FOXN3: variants seen among roughly 807,000 people sequenced by gnomAD.
FOXN3 encodes the protein forkhead box N3, also known as forkhead box protein N3.
In FOXN3, 7 loss-of-function variants were observed where a neutral mutation model predicts 38.4. That is an observed-to-expected ratio of 0.18 (90% CI 0.10 to 0.34). The LOEUF (loss-of-function observed/expected upper bound fraction) is 0.34. Among genes scored for constraint, FOXN3 ranks in the 10% least tolerant of loss-of-function variants. FOXN3 has a pLI of 1.00. For synonymous variants in FOXN3, 230 were observed against 242.2 expected, an observed-to-expected ratio of 0.95 and a Z score of 0.47; for missense variants, 456 against 613.4, an observed-to-expected ratio of 0.74 and a Z score of 2.71.
chr14:89,424,381 A>G (rs1421341949), intron 1 of FOXN3, among the ~76,000 whole-genome samples: 2 of 152,246 alleles, frequency 1.3e-5, no homozygotes, highest in Admixed American at 1.3e-4. Flanking sequence ...CAGGAGGGAC[A>G]AAACGATCCC....
intron 3 of FOXN3, among the ~76,000 whole-genome samples, chr14:89,325,268 TCACCAACACCAACACCAACAC>T (rs1256226397): frequency 1.7e-4 from 10 of 59,570 alleles, no homozygotes; most frequent in African/African-American, 3.7e-4. Context: ...ACCACCACCA[TCACCAACACCAACACCAACAC>T]CACCAACACC....
intron 1 of FOXN3, among the ~76,000 whole-genome samples, chr14:89,555,172 A>G (rs1201890314): frequency 1.3e-5 from 2 of 151,736 alleles, no homozygotes; most frequent in Non-Finnish European, 2.9e-5. Context: ...TTCACTTAAC[A>G]TACCTCAGAG....
At chr14:89,397,327 T>C (rs913883322) in intron 2 of FOXN3, among the ~76,000 whole-genome samples, 1 of 151,690 alleles carries the variant, frequency 6.6e-6, no homozygotes, top group African/African-American at 2.4e-5. Context: ...GAAAAAACTA[T>C]TGGTTACTAG....
intron 2 of FOXN3, among the ~76,000 whole-genome samples, chr14:89,410,932 TA>T (rs1415012256): frequency 6.6e-6 from 1 of 151,894 alleles, no homozygotes; most frequent in Non-Finnish European, 1.5e-5. Context: ...AGCAAATTAT[TA>T]AAACCGTCTT....
At chr14:89,599,353 A>T (rs1238127443) in intron 1 of FOXN3, among the ~76,000 whole-genome samples, 1 of 152,156 alleles carries the variant, frequency 6.6e-6, no homozygotes, top group East Asian at 1.9e-4. Flanking sequence ...CACCCAAAAA[A>T]GTTCACTCAT....
At chr14:89,226,558 T>G (rs997880231) in intron 4 of FOXN3, among the ~76,000 whole-genome samples, 3 of 152,192 alleles carry the variant, frequency 2.0e-5, no homozygotes, top group African/African-American at 2.4e-5. Flanking sequence ...AGACTTTTAT[T>G]TACTCGCTAG....
chr14:89,233,151 A>C (rs1266584658), intron 4 of FOXN3, among the ~76,000 whole-genome samples: 1 of 152,198 alleles, frequency 6.6e-6, no homozygotes, highest in African/African-American at 2.4e-5. Flanking sequence ...CTTAGGAGAG[A>C]TATTGATTTA....
At position 89,164,050 on chromosome 14, in the gene FOXN3, C is replaced by T. The variant is rs947565378; in HGVS notation, c.852-1081G>A. On this transcript the variant is annotated intron_variant, in intron 5 of 5. Transcript: ENST00000557258. This position sits in a 1 kb window ranked among gnomAD's most constrained non-coding sequence, Gnocchi z 4.3. ...AAAGTGGGAATAGTAACTACACCTG[C>T]TCCCCGTGGGTGTGGGGCTGAGGAC... 2.0e-5 allele frequency among the ~76,000 whole-genome samples: 3 copies of T among 152,236 alleles called. No homozygotes were observed. Among genetic ancestry groups the T allele is most frequent in the African/African-American group, 7.2e-5 (3 of 41,462 alleles).
chr14:89,308,895 C>T (rs993356691), intron 3 of FOXN3, among the ~76,000 whole-genome samples: 15 of 152,068 alleles, frequency 9.9e-5, no homozygotes, highest in African/African-American at 3.6e-4. Context: ...GCTAATGGAA[C>T]CCAGGCAGAG....
chr14:89,534,253 G>A (rs974930712), intron 1 of FOXN3, among the ~76,000 whole-genome samples: 5 of 151,410 alleles, frequency 3.3e-5, no homozygotes, highest in East Asian at 1.9e-4. Context: ...TTACAGGTGC[G>A]CACCACCACA....
intron 2 of FOXN3, among the ~76,000 whole-genome samples, chr14:89,391,759 C>T (rs753636529): frequency 6.6e-6 from 1 of 152,140 alleles, no homozygotes; most frequent in Non-Finnish European, 1.5e-5. Context: ...AATCCTGGCA[C>T]TTTGGGAGGC....
intron 1 of FOXN3, among the ~76,000 whole-genome samples, chr14:89,538,766 C>T (rs1894738555): frequency 6.6e-6 from 1 of 152,126 alleles, no homozygotes; most frequent in Non-Finnish European, 1.5e-5. Flanking sequence ...GATCCGCCCG[C>T]CTCAGCCTCC....
At chr14:89,238,412 T>G (rs990399043) in intron 4 of FOXN3, among the ~76,000 whole-genome samples, 1 of 152,242 alleles carries the variant, frequency 6.6e-6, no homozygotes, top group African/African-American at 2.4e-5. Flanking sequence ...CAAGTCTGTT[T>G]CAGCTGCCAT....
intron 4 of FOXN3, among the ~76,000 whole-genome samples, chr14:89,211,283 T>C (rs140519971): frequency 2.4e-4 from 37 of 152,360 alleles, no homozygotes; most frequent in African/African-American, 8.4e-4. Context: ...GTGGCCAAGT[T>C]ATCTTGGTCA....
At position 89,289,554 on chromosome 14, in the gene FOXN3, T is replaced by C. The variant is rs1438877162; in HGVS notation, c.681-8540A>G. Among the ~76,000 whole-genome samples the C allele has an allele frequency of 3.3e-5, 5 of 152,206 alleles. No homozygotes were observed. The East Asian group carries it at 9.6e-4, about 29-fold the overall frequency. On this transcript the variant is annotated intron_variant, in intron 3 of 5. Transcript: ENST00000557258. The stretch of plus-strand genomic sequence containing the variant: ...AAATCTCTTATGCAGAAAAGTAAGT[T>C]TTCAAATGACACGGTAGAAATACAT...
chr14:89,292,360 C>T (rs763745300), intron 3 of FOXN3, among the ~76,000 whole-genome samples: 2 of 152,160 alleles, frequency 1.3e-5, no homozygotes, highest in Non-Finnish European at 2.9e-5. Flanking sequence ...GCACCGACAG[C>T]GCAGCTTCCA....
intron 1 of FOXN3, among the ~76,000 whole-genome samples, chr14:89,608,873 G>A (rs1195115866): frequency 1.3e-5 from 2 of 152,212 alleles, no homozygotes; most frequent in Non-Finnish European, 1.5e-5. Context: ...GTGATCAAAA[G>A]TTATTCTTTC....
In FOXN3 at chr14:89,585,159, C is replaced by T. The variant is rs143563947; in HGVS notation, c.-15+33869G>A. Among the ~76,000 whole-genome samples, 939 of 152,314 alleles carry T rather than the reference C, an allele frequency of 6.2e-3. 6 individuals are homozygous for T. The highest frequency in any genetic ancestry group is 0.011 in the South Asian group (55 of 4,826). On this transcript the variant is annotated intron_variant, in intron 1 of 6. Coordinates refer to the FOXN3 transcript ENST00000345097. Reference sequence around the variant, plus strand: ...AGACCCACACACCTCACACTTTCCTCTATAATTTTGCTGATGCTGTTTCCT... The same window carrying T: ...AGACCCACACACCTCACACTTTCCTTTATAATTTTGCTGATGCTGTTTCCT...
At chr14:89,504,242 T>G (rs1463823004) in intron 1 of FOXN3, among the ~76,000 whole-genome samples, 2 of 152,186 alleles carry the variant, frequency 1.3e-5, no homozygotes, top group African/African-American at 4.8e-5. Flanking sequence ...CCAAAATCCA[T>G]AGCATTATGC....
Sources: allele counts gnomAD v4.1 joint callset (sites outside exome capture counted in the v4.1 genomes callset), GRCh38; gene constraint gnomAD v4.1.1; non-coding constraint Gnocchi (gnomAD v3.1); transcripts MANE v1.5; gene names NCBI Gene and HGNC (gene_info 2026-07-23, HGNC 2026-07-21).